KCTD16: variants seen among roughly 807,000 people sequenced by gnomAD.
KCTD16 encodes the protein BTB/POZ domain-containing protein KCTD16.
Under a neutral mutation model 33.2 loss-of-function variants are expected in KCTD16, and 13 were observed. The ratio of observed to expected loss-of-function variants is 0.39; its 90% CI spans 0.25 to 0.62. The LOEUF (loss-of-function observed/expected upper bound fraction) is 0.62. Ranked by LOEUF, KCTD16 falls within the 20% of genes least tolerant of loss-of-function variation. The pLI is 0.50. For missense variants in KCTD16, 441 were observed against 525.1 expected, an observed-to-expected ratio of 0.84 and a Z score of 1.57; for synonymous variants, 197 against 195.3, an observed-to-expected ratio of 1.01 and a Z score of -0.07.
At chr5:144,404,475 C>T (rs1752769918) in intron 3 of KCTD16, among the ~76,000 whole-genome samples, 1 of 152,070 alleles carries the variant, frequency 6.6e-6, no homozygotes, top group East Asian at 1.9e-4. Context: ...TGATAAGTAT[C>T]CTGGTGATGG....
chr5:144,206,287 C>T (rs1753167168), intron 2 of KCTD16, 102 bp from the exon 3 acceptor site: 1 of 160,746 alleles, frequency 6.2e-6, no homozygotes, highest in Admixed American at 6.2e-5. Flanking sequence ...ATCTCTCTCT[C>T]CCTCCCTCTG....
chr5:144,378,761 A>G (rs1225270133), intron 3 of KCTD16, among the ~76,000 whole-genome samples: 1 of 152,194 alleles, frequency 6.6e-6, no homozygotes, highest in African/African-American at 2.4e-5. Context: ...GTGTTTTTCA[A>G]TTATTCAAGT....
chr5:144,374,498 A>G (rs1052425024), intron 3 of KCTD16, among the ~76,000 whole-genome samples: 1 of 152,172 alleles, frequency 6.6e-6, no homozygotes, highest in African/African-American at 2.4e-5. Flanking sequence ...AAATGTTGTG[A>G]TGCAGGCTAA....
chr5:144,388,573 A>G (rs941802019), intron 3 of KCTD16, among the ~76,000 whole-genome samples: 5 of 152,216 alleles, frequency 3.3e-5, no homozygotes, highest in Non-Finnish European at 5.9e-5. Context: ...AAGCAAAGCT[A>G]CATTTTAACC....
intron 2 of KCTD16, among the ~76,000 whole-genome samples, chr5:144,200,958 G>T (rs181601900): frequency 7.9e-4 from 121 of 152,258 alleles, no homozygotes; most frequent in Non-Finnish European, 1.5e-3. Context: ...GTTGCCCAGC[G>T]TGGTCTCAAA....
intron 3 of KCTD16, among the ~76,000 whole-genome samples, chr5:144,307,366 G>A (rs998250138): frequency 1.3e-5 from 2 of 152,162 alleles, no homozygotes; most frequent in Admixed American, 6.6e-5. Flanking sequence ...TTCAGTTGGA[G>A]TCCTCCACTA....
At chr5:144,176,882 A>T (rs1233578392) in intron 2 of KCTD16, among the ~76,000 whole-genome samples, 1 of 152,006 alleles carries the variant, frequency 6.6e-6, no homozygotes, top group Non-Finnish European at 1.5e-5. Flanking sequence ...TTATGTGGTT[A>T]TTTGTTTTTC....
chr5:144,471,647 G>A (rs1754479006), intron 3 of KCTD16, among the ~76,000 whole-genome samples: 1 of 152,178 alleles, frequency 6.6e-6, no homozygotes, highest in African/African-American at 2.4e-5. Context: ...CCCTCAAAAT[G>A]TATGCTGGCA....
In KCTD16 at chr5:144,452,656, G is replaced by C. The variant is rs541659673; in HGVS notation, c.833-21004G>C. 2.0e-5 allele frequency among the ~76,000 whole-genome samples: 3 copies of C among 151,884 alleles called. No individual in the cohort carries two copies. In the East Asian group the frequency reaches 5.8e-4, roughly 30 times the overall value. ...GATTATTTTGGGATATCCATTTTGAGCATTTGAAAATGACCAGTTGACCTT... is the reference window on the plus strand; with the variant it reads ...GATTATTTTGGGATATCCATTTTGACCATTTGAAAATGACCAGTTGACCTT... On this transcript the variant is annotated intron_variant, in intron 3 of 3. Transcript: ENST00000512467.
At chr5:144,396,346 G>A (rs977033029) in intron 3 of KCTD16, among the ~76,000 whole-genome samples, 20 of 152,132 alleles carry the variant, frequency 1.3e-4, no homozygotes, top group Admixed American at 5.9e-4. Context: ...CCATGTCCAA[G>A]AGGCATAACT....
rs530206381 is a variant in KCTD16 at position 144,437,929 on chromosome 5, C to T, written c.833-35731C>T. 7.2e-5 allele frequency among the ~76,000 whole-genome samples: 11 copies of T among 152,222 alleles called. No individual in the cohort carries two copies. In the South Asian group the frequency reaches 2.3e-3, roughly 32 times the overall value. On this transcript the variant is annotated intron_variant, in intron 3 of 3. Transcript: ENST00000512467. ...ATCCGCATGTGGCTATTGGACACTT[C>T]AAATGTGGCTATTCTAAATTGAGAT...
intron 3 of KCTD16, among the ~76,000 whole-genome samples, chr5:144,272,005 TAAAG>T (rs969723785): frequency 1.3e-5 from 2 of 152,016 alleles, no homozygotes; most frequent in Admixed American, 6.6e-5. Context: ...CCTGCTGAAA[TAAAG>T]AAGACTAAAA....
intron 3 of KCTD16, among the ~76,000 whole-genome samples, chr5:144,235,989 G>T (rs1449921351): frequency 1.3e-5 from 2 of 152,098 alleles, no homozygotes; most frequent in East Asian, 3.9e-4. Flanking sequence ...GTCATTGTCA[G>T]TGTATGAAGT....
chr5:144,299,749 T>G (rs1169714970), intron 3 of KCTD16, among the ~76,000 whole-genome samples: 1 of 152,078 alleles, frequency 6.6e-6, no homozygotes, highest in African/African-American at 2.4e-5. Context: ...TTTGGCCTCC[T>G]TAATATGTTT....
At chr5:144,355,826 C>A (rs1238778649) in intron 3 of KCTD16, among the ~76,000 whole-genome samples, 1 of 152,126 alleles carries the variant, frequency 6.6e-6, no homozygotes, top group African/African-American at 2.4e-5. Flanking sequence ...TTTGTTCTAT[C>A]TACTCCCCTT....
At position 144,343,493 on chromosome 5, in the gene KCTD16, G is replaced by A. The variant is rs187158755; in HGVS notation, c.833-130167G>A. On this transcript the variant is annotated intron_variant, in intron 3 of 3. Coordinates refer to ENST00000512467, the MANE Select transcript of KCTD16 (RefSeq NM_020768.4). ...TTTTTCTTTTTTATTAGTTTTGCTA[G>A]CGGTCTATCAATTTTGTTGATCCTT... Among the ~76,000 whole-genome samples the A allele has an allele frequency of 7.9e-5, 12 of 152,028 alleles. No homozygotes were observed. The East Asian group carries it at 2.3e-3, about 29-fold the overall frequency.
intron 3 of KCTD16, among the ~76,000 whole-genome samples, chr5:144,213,490 C>G (rs1274414220): frequency 6.6e-6 from 1 of 151,204 alleles, no homozygotes; most frequent in African/African-American, 2.4e-5. Flanking sequence ...TGTTGAATAT[C>G]TTGCATTCTG....
intron 3 of KCTD16, among the ~76,000 whole-genome samples, chr5:144,339,998 C>A (rs2546535): frequency 0.25 from 37,810 of 151,896 alleles, 4,865 homozygotes; most frequent in Non-Finnish European, 0.28. Context: ...GAAGGGCAAC[C>A]TCAAAGATTA....
intron 3 of KCTD16, among the ~76,000 whole-genome samples, chr5:144,268,820 A>C (rs935816362): frequency 3.3e-5 from 5 of 152,206 alleles, no homozygotes; most frequent in African/African-American, 1.2e-4. Flanking sequence ...AAATGTACAC[A>C]GAACTAAAGA....
Sources: gnomAD v4.1 joint callset for allele counts (sites outside exome capture counted in the v4.1 genomes callset) on GRCh38, gnomAD v4.1.1 for gene constraint, MANE v1.5 for transcripts, NCBI Gene and HGNC (gene_info 2026-07-23, HGNC 2026-07-21) for gene names.